SFMBT2: variants seen among roughly 807,000 people sequenced by gnomAD.
SFMBT2 encodes the protein scm-like with four MBT domains protein 2.
A neutral mutation model predicts 110.1 loss-of-function variants in SFMBT2; 38 were observed. That is an observed-to-expected ratio of 0.35 (90% confidence interval 0.27 to 0.45). SFMBT2 has a LOEUF of 0.45. SFMBT2 is among the 20% of genes least tolerant of loss of function. The pLI is 1.00. For missense variants in SFMBT2, 1,011 were observed against 1,094.9 expected, an observed-to-expected ratio of 0.92 and a Z score of 1.08; for synonymous variants, 425 against 425.4, an observed-to-expected ratio of 1.00 and a Z score of 0.01.
rs1588435389 is a variant in SFMBT2, at chr10:7,307,690, A to T, written c.437-21736T>A. On this transcript the variant is annotated intron_variant, in intron 4 of 20. Transcript: ENST00000397167. ...AAAATCAATTCCAGTTGAACTAAGG[A>T]CTTACATGGGAAAGGCAAAACTACA... is the stretch of plus-strand genomic sequence containing the variant. Among the ~76,000 whole-genome samples the T allele has an allele frequency of 3.9e-5, 6 of 152,228 alleles. No homozygotes were observed. In the South Asian group the frequency reaches 1.0e-3, roughly 26 times the overall value.
intron 11 of SFMBT2, among the ~76,000 whole-genome samples, chr10:7,211,401 A>G (rs1233245370): frequency 6.6e-6 from 1 of 151,918 alleles, no homozygotes; most frequent in East Asian, 1.9e-4. Context: ...CAGCTGGAAA[A>G]CCTGAACTTT....
At chr10:7,317,446 C>A (rs946441429) in intron 4 of SFMBT2, among the ~76,000 whole-genome samples, 1 of 152,082 alleles carries the variant, frequency 6.6e-6, no homozygotes, top group African/African-American at 2.4e-5. Flanking sequence ...AGTTCAAGAC[C>A]AGCCGACTAA....
chr10:7,171,925 C>A lies in SFMBT2; in HGVS notation c.2385G>T (p.Lys795Asn). Reference protein sequence around the residue: ...PAASSAEEGEKCPPTKPEGTE... With the variant: ...PAASSAEEGENCPPTKPEGTE... ...TCCCCTCGGGCTTGGTCGGCGGGCA[C>A]TTCTCCCCTTCCTCTGCTGAGGAGG... Residue 795 changes from lysine to asparagine, a missense_variant, in exon 19 of 21, where the codon AAG (lysine) becomes AAT (asparagine). By Grantham distance (94) the Lys-to-Asn change is moderately conservative. Transcript: ENST00000397167. The surrounding 1 kb of genome is among the most constrained non-coding windows in gnomAD (Gnocchi z 4.9). The A allele has an allele frequency of 6.9e-7, 1 of 1,445,546 alleles. No homozygotes were observed. The highest frequency in any genetic ancestry group is 1.4e-5 in the South Asian group (1 of 69,604). The allele number at this position is 1,445,546 out of a possible 1,614,324, so 89.5% of individuals were successfully genotyped here.
intron 14 of SFMBT2, chr10:7,198,168 A>T: frequency 2.0e-6 from 2 of 984,682 alleles, no homozygotes; most frequent in Non-Finnish European, 2.4e-6. Flanking sequence ...ATTTCCTGCA[A>T]GATATTGTTT....
At chr10:7,309,050 T>C (rs1391598442) in intron 4 of SFMBT2, among the ~76,000 whole-genome samples, 1 of 152,154 alleles carries the variant, frequency 6.6e-6, no homozygotes, top group Non-Finnish European at 1.5e-5. Context: ...GCCCAGATAT[T>C]TGGCCAAACA....
At chr10:7,399,898 C>A (rs1018605867) in intron 1 of SFMBT2, among the ~76,000 whole-genome samples, 3 of 152,204 alleles carry the variant, frequency 2.0e-5, no homozygotes, top group Admixed American at 1.3e-4. Flanking sequence ...AACAATAGAG[C>A]ATCCACTAGG....
intron 1 of SFMBT2, among the ~76,000 whole-genome samples, chr10:7,403,177 G>A (rs185351442): frequency 2.6e-4 from 39 of 152,038 alleles, no homozygotes; most frequent in African/African-American, 7.2e-4. Context: ...CCATCTGAAC[G>A]AAAAACAAAA....
intron 4 of SFMBT2, among the ~76,000 whole-genome samples, chr10:7,294,593 T>C (rs1279959141): frequency 6.6e-6 from 1 of 152,176 alleles, no homozygotes; most frequent in Non-Finnish European, 1.5e-5. Context: ...ACTATAAAAT[T>C]AATTCTGATG....
chr10:7,245,106 T>A lies in SFMBT2; in HGVS notation c.973-1401A>T, dbSNP rs965638742. Among the ~76,000 whole-genome samples, 10 of 152,242 alleles carry A rather than the reference T, an allele frequency of 6.6e-5. No homozygotes were observed. In the East Asian group the frequency reaches 1.9e-3, roughly 29 times the overall value. ...CAACAGGGAAACTAACACCAAGGCCTCCTGGGGTCCTCACTGCTACCGGGG... is the reference window on the plus strand; with the variant it reads ...CAACAGGGAAACTAACACCAAGGCCACCTGGGGTCCTCACTGCTACCGGGG... On this transcript the variant is annotated intron_variant, in intron 8 of 20. Transcript: ENST00000397167.
chr10:7,244,186 C>T (rs755647810), intron 8 of SFMBT2: 122 of 247,728 alleles, frequency 4.9e-4, no homozygotes, highest in Non-Finnish European at 7.0e-4. Flanking sequence ...CAGAACACCC[C>T]ACCCTCCAGC....
chr10:7,198,808 A>T (rs1838858280), intron 14 of SFMBT2, among the ~76,000 whole-genome samples: 1 of 152,068 alleles, frequency 6.6e-6, no homozygotes, highest in Admixed American at 6.5e-5. Context: ...TGGGAGGCCG[A>T]GGTGGGTGGA....
At chr10:7,279,346 C>A (rs577182388) in intron 6 of SFMBT2, among the ~76,000 whole-genome samples, 2 of 152,290 alleles carry the variant, frequency 1.3e-5, no homozygotes, top group Admixed American at 6.5e-5. Flanking sequence ...GTGGGTCCTG[C>A]CTCTGTCCTA....
intron 8 of SFMBT2, 30 bp from the exon 9 acceptor site, chr10:7,243,735 G>T (rs961934456): frequency 2.3e-6 from 2 of 859,222 alleles, no homozygotes; most frequent in Non-Finnish European, 4.0e-6. Flanking sequence ...GGAGCCAAAG[G>T]TTAATTCTTT....
At chr10:7,352,711 A>C (rs981109006) in intron 4 of SFMBT2, among the ~76,000 whole-genome samples, 6 of 152,202 alleles carry the variant, frequency 3.9e-5, no homozygotes, top group African/African-American at 1.4e-4. Context: ...AATGGCCAAC[A>C]AATAAATAAG....
chr10:7,223,206 C>G (rs896401789), intron 10 of SFMBT2, among the ~76,000 whole-genome samples: 1 of 152,158 alleles, frequency 6.6e-6, no homozygotes, highest in African/African-American at 2.4e-5. Flanking sequence ...AAGAAGCTGC[C>G]AAAATGTTTG....
At chr10:7,289,674 T>G (rs1842205309) in intron 4 of SFMBT2, among the ~76,000 whole-genome samples, 1 of 152,258 alleles carries the variant, frequency 6.6e-6, no homozygotes, top group South Asian at 2.1e-4. Context: ...TTGCTAATTT[T>G]ATAAGAAAAA....
Position 7,163,724 on chromosome 10 carries a change from C to A in SFMBT2, c.*46G>T, listed in dbSNP as rs552919481. 1.8e-5 allele frequency: 28 copies of A among 1,560,920 alleles called. No individual in the cohort carries two copies. The highest frequency in any genetic ancestry group is 2.2e-5 in the Non-Finnish European group (25 of 1,135,994). ...AAAGTTTCAGTCCTGGAAACCTTTA[C>A]CAACACCGCATCCCAGCAATAATGG... On this transcript the variant is annotated 3_prime_UTR_variant, in exon 21 of 21. Coordinates refer to ENST00000397167, the MANE Select transcript of SFMBT2 (RefSeq NM_001387889.1). This position sits in a 1 kb window ranked among gnomAD's most constrained non-coding sequence, Gnocchi z 4.8.
At chr10:7,390,621 A>T (rs1021738637) in intron 1 of SFMBT2, among the ~76,000 whole-genome samples, 1 of 148,516 alleles carries the variant, frequency 6.7e-6, no homozygotes, top group Non-Finnish European at 1.5e-5. Flanking sequence ...TCTATAAAGA[A>T]AAAAAAGTCC....
At position 7,171,295 on chromosome 10, in the gene SFMBT2, G is replaced by T; in HGVS notation, c.2416-239C>A. The T allele has an allele frequency of 2.4e-6, 2 of 840,668 alleles. No homozygotes were observed. Among genetic ancestry groups the T allele is most frequent in the Non-Finnish European group, 2.9e-6 (2 of 698,000 alleles). 52.1% of individuals were successfully genotyped at this position (840,668 alleles called of 1,614,324 possible). On this transcript the variant is annotated intron_variant, in intron 19 of 20. Coordinates refer to ENST00000397167, the MANE Select transcript of SFMBT2 (RefSeq NM_001387889.1). This position sits in a 1 kb window ranked among gnomAD's most constrained non-coding sequence, Gnocchi z 4.9. The stretch of plus-strand genomic sequence containing the variant: ...ATGGAAGAAGGCAGGCACAGTGACA[G>T]TCGCTCTTGCATCCCTAGTTCAGGA...
Sources: gnomAD v4.1 joint callset for allele counts (sites outside exome capture counted in the v4.1 genomes callset) on GRCh38, gnomAD v4.1.1 for gene constraint, Gnocchi (gnomAD v3.1) non-coding constraint, MANE v1.5 for transcripts, NCBI Gene and HGNC (gene_info 2026-07-23, HGNC 2026-07-21) for gene names.